The following ZMAT4 variants were observed in gnomAD, a reference collection of about 807,000 sequenced individuals.
ZMAT4 encodes the protein zinc finger matrin-type protein 4.
ZMAT4 carries 17 observed loss-of-function variants against 28.7 expected under a neutral mutation model. The ratio of observed to expected loss-of-function variants is 0.59; its 90% CI spans 0.41 to 0.89. The LOEUF is 0.89. Among genes scored for constraint, ZMAT4 ranks in the 40% least tolerant of loss-of-function variants. The pLI is 0.00. For synonymous variants in ZMAT4, 117 were observed against 109.2 expected (o/e 1.07, Z -0.44); for missense variants, 240 against 283.8 (o/e 0.85, Z 1.11).
chr8:40,639,630 AC>A (rs1806933012), intron 5 of ZMAT4, among the ~76,000 whole-genome samples: 1 of 40,114 alleles, frequency 2.5e-5, no homozygotes, highest in African/African-American at 6.0e-5. Flanking sequence ...GCAAGAACAC[AC>A]ACACACACAC....
intron 1 of ZMAT4, among the ~76,000 whole-genome samples, chr8:40,843,601 T>C (rs552096032): frequency 6.6e-6 from 1 of 152,336 alleles, no homozygotes; most frequent in East Asian, 1.9e-4. Flanking sequence ...TGGGCTTTTA[T>C]CTCCAGGTTC....
At chr8:40,819,029 G>A (rs1815647870) in intron 2 of ZMAT4, among the ~76,000 whole-genome samples, 1 of 152,122 alleles carries the variant, frequency 6.6e-6, no homozygotes, top group African/African-American at 2.4e-5. Flanking sequence ...CTGACTTACA[G>A]AAGCTAGAAA....
At chr8:40,885,482 T>C (rs1270020797) in intron 1 of ZMAT4, among the ~76,000 whole-genome samples, 1 of 152,232 alleles carries the variant, frequency 6.6e-6, no homozygotes, top group Non-Finnish European at 1.5e-5. Context: ...ACTGTCAACA[T>C]AGCAACCAGA....
intron 2 of ZMAT4, among the ~76,000 whole-genome samples, chr8:40,795,152 G>A (rs2150582129): frequency 6.6e-6 from 1 of 152,130 alleles, no homozygotes; most frequent in South Asian, 2.1e-4. Flanking sequence ...ATCTACTCTG[G>A]ACTTAGCCCT....
At chr8:40,789,863 A>G (rs35144013) in intron 2 of ZMAT4, among the ~76,000 whole-genome samples, 25,182 of 152,222 alleles carry the variant, frequency 0.17, 2,583 homozygotes, top group Middle Eastern at 0.24. Flanking sequence ...AGCAATCAGC[A>G]CAGAACAGCC....
rs541924017 is a variant in ZMAT4 at position 40,567,546 on chromosome 8, C to T, written c.674+13619G>A. ...AGGAGTTCAAGACCAACCTCACCAA[C>T]ATGGTGAAACCCTGTCCCTACTAAA... On this transcript the variant is annotated intron_variant, in intron 6 of 6. Transcript: ENST00000297737. Among the ~76,000 whole-genome samples, 17 of 152,082 alleles carry T rather than the reference C, an allele frequency of 1.1e-4. No individual in the cohort carries two copies. In the East Asian group the frequency reaches 3.1e-3, roughly 28 times the overall value.
At chr8:40,697,070 G>T in intron 4 of ZMAT4, 175 bp downstream of exon 4, 2 of 605,944 alleles carry the variant, frequency 3.3e-6, no homozygotes, top group Non-Finnish European at 5.5e-6. Context: ...TGGTATTTAG[G>T]GGTCTTAGGA....
At chr8:40,607,061 T>A (rs1009326150) in intron 5 of ZMAT4, among the ~76,000 whole-genome samples, 2 of 151,714 alleles carry the variant, frequency 1.3e-5, no homozygotes. Flanking sequence ...AAGGTGTGAT[T>A]GTTTTTTATT....
intron 6 of ZMAT4, among the ~76,000 whole-genome samples, chr8:40,559,127 CTGA>C (rs1803646350): frequency 6.6e-6 from 1 of 152,200 alleles, no homozygotes; most frequent in Non-Finnish European, 1.5e-5. Context: ...CCACCAGACA[CTGA>C]CTAACTGAGT....
intron 4 of ZMAT4, among the ~76,000 whole-genome samples, chr8:40,691,115 T>C (rs1809641847): frequency 6.6e-6 from 1 of 152,140 alleles, no homozygotes; most frequent in South Asian, 2.1e-4. Flanking sequence ...TAGGAACTTG[T>C]GGTTACAAGG....
At chr8:40,601,629 A>G (rs1805360805) in intron 5 of ZMAT4, among the ~76,000 whole-genome samples, 1 of 25,980 alleles carries the variant, frequency 3.8e-5, no homozygotes, top group African/African-American at 1.0e-4. Context: ...AAAGAAAGAA[A>G]GAAAGAGAAA....
intron 2 of ZMAT4, among the ~76,000 whole-genome samples, chr8:40,768,684 C>T (rs557851467): frequency 6.7e-6 from 1 of 149,844 alleles, no homozygotes; most frequent in African/African-American, 2.4e-5. Context: ...AATACCACAA[C>T]ATTTGCTAGG....
At chr8:40,856,374 G>A (rs1202579988) in intron 1 of ZMAT4, among the ~76,000 whole-genome samples, 1 of 152,188 alleles carries the variant, frequency 6.6e-6, no homozygotes, top group Non-Finnish European at 1.5e-5. Context: ...GCAAAAGGAA[G>A]AGAGAACTCC....
At chr8:40,801,353 TATATATATATATATATATAC>T (rs1261712507) in intron 2 of ZMAT4, among the ~76,000 whole-genome samples, 11 of 82,290 alleles carry the variant, frequency 1.3e-4, no homozygotes, top group South Asian at 4.3e-4. Context: ...AAAAAAAAAA[TATATATATATATATATATAC>T]ATATATATAT....
At chr8:40,675,034 C>T (rs1052193282) in intron 4 of ZMAT4, 103 bp from the exon 5 acceptor site, 24 of 803,340 alleles carry the variant, frequency 3.0e-5, no homozygotes, top group Non-Finnish European at 4.5e-5. Flanking sequence ...CACTCTAGAG[C>T]TTAAACATCC....
At chr8:40,629,898 T>C (rs532407928) in intron 5 of ZMAT4, among the ~76,000 whole-genome samples, 4 of 152,200 alleles carry the variant, frequency 2.6e-5, no homozygotes, top group Non-Finnish European at 4.4e-5. Flanking sequence ...GCAGCATGAT[T>C]TATAATCCTT....
chr8:40,825,531 C>T (rs982081182), intron 2 of ZMAT4, 44 bp downstream of exon 2: 7 of 1,507,426 alleles, frequency 4.6e-6, no homozygotes, highest in Non-Finnish European at 6.3e-6. Context: ...ACCCGGGCTG[C>T]TCCCTCCTAC....
In ZMAT4 at chr8:40,825,562, ACG is replaced by A. The variant is rs1441091194; in HGVS notation, c.102+11_102+12del. 6.4e-7 allele frequency: 1 copy of A among 1,550,492 alleles called. No homozygotes were observed. Among genetic ancestry groups the A allele is most frequent in the South Asian group, 1.2e-5 (1 of 84,040 alleles). On this transcript the variant is annotated intron_variant, in intron 2 of 6. Coordinates refer to ENST00000297737, the MANE Select transcript of ZMAT4 (RefSeq NM_024645.3). The stretch of plus-strand genomic sequence containing the variant: ...CCTACATTTGCAAACAGAGTGGGAA[ACG>A]CTGTCCTTACCTCGTAGTGGGCCAC...
intron 1 of ZMAT4, among the ~76,000 whole-genome samples, chr8:40,842,279 G>A (rs1171722400): frequency 6.6e-6 from 1 of 152,196 alleles, no homozygotes; most frequent in East Asian, 1.9e-4. Flanking sequence ...TCAGACCACA[G>A]TGAACTTGCA....
Sources: allele counts gnomAD v4.1 joint callset (sites outside exome capture counted in the v4.1 genomes callset), GRCh38; gene constraint gnomAD v4.1.1; transcripts MANE v1.5; gene names NCBI Gene and HGNC (gene_info 2026-07-23, HGNC 2026-07-21).